MED27: variants seen among roughly 807,000 people sequenced by gnomAD.
MED27 encodes mediator complex subunit 27.
Under a neutral mutation model 38.2 loss-of-function variants are expected in MED27, and 30 were observed. That is an observed-to-expected ratio of 0.79 (90% CI 0.59 to 1.07). MED27 has a LOEUF of 1.07. MED27 is among the 50% of genes least tolerant of loss of function. The probability of loss-of-function intolerance (pLI) is 0.00; values close to 1 mark genes in which losing one functional copy is unlikely to be tolerated. For synonymous variants in MED27, 122 were observed against 153.5 expected, an observed-to-expected ratio of 0.79 and a Z score of 1.52; for missense variants, 289 against 397.5, an observed-to-expected ratio of 0.73 and a Z score of 2.32.
chr9:131,967,966 C>T (rs1208534538), intron 3 of MED27, among the ~76,000 whole-genome samples: 1 of 151,976 alleles, frequency 6.6e-6, no homozygotes, highest in Non-Finnish European at 1.5e-5. Flanking sequence ...TACAGGCATC[C>T]ACCACCATGC....
rs1232256036 is a variant in MED27, at chr9:131,893,941, T to C, written c.625A>G (p.Ile209Val). Residue 209 changes from isoleucine (I) to valine (V), a missense_variant, in exon 5 of 8, where the codon ATT becomes GTT. Ile to Val is a conservative substitution (Grantham distance 29, BLOSUM62 3). Coordinates refer to ENST00000292035, the MANE Select transcript of MED27 (RefSeq NM_004269.4). Reference protein sequence around the residue: ...KVIVVMRSLFIDRTIVKGYNE... With the variant: ...KVIVVMRSLFVDRTIVKGYNE... ...TATCCCTTTACTATTGTTCGATCAA[T>C]GAACAGGCTCCGCATGACGACGATC... 1.9e-6 allele frequency: 3 copies of C among 1,614,112 alleles called. No individual in the cohort carries two copies. The highest frequency in any genetic ancestry group is 1.3e-5 in the African/African-American group (1 of 74,942).
intron 4 of MED27, among the ~76,000 whole-genome samples, chr9:131,938,925 G>A (rs1830732123): frequency 6.6e-6 from 1 of 152,074 alleles, no homozygotes; most frequent in Non-Finnish European, 1.5e-5. Context: ...GTGTTAGCCA[G>A]GATGGTCTCG....
At chr9:131,871,643 G>A (rs984902001) in intron 6 of MED27, among the ~76,000 whole-genome samples, 4 of 152,128 alleles carry the variant, frequency 2.6e-5, no homozygotes, top group African/African-American at 4.8e-5. Context: ...TCGAACTCCT[G>A]GGCGCAAGTG....
intron 3 of MED27, among the ~76,000 whole-genome samples, chr9:131,995,943 C>T (rs1170844478): frequency 1.3e-5 from 2 of 152,174 alleles, no homozygotes; most frequent in Non-Finnish European, 2.9e-5. Context: ...CCTCTACACT[C>T]CATAATTCCT....
At chr9:131,902,822 A>C (rs994309857) in intron 4 of MED27, among the ~76,000 whole-genome samples, 5 of 152,210 alleles carry the variant, frequency 3.3e-5, no homozygotes, top group African/African-American at 1.2e-4. Context: ...AGACAAACTG[A>C]ATTTAGGGTC....
intron 3 of MED27, among the ~76,000 whole-genome samples, chr9:131,971,596 G>A (rs1422560783): frequency 6.6e-6 from 1 of 152,168 alleles, no homozygotes; most frequent in Non-Finnish European, 1.5e-5. Context: ...GACCTTGGCC[G>A]GACCCCAAGT....
At chr9:131,925,664 A>G (rs1197372282) in intron 4 of MED27, among the ~76,000 whole-genome samples, 1 of 152,262 alleles carries the variant, frequency 6.6e-6, no homozygotes, top group Non-Finnish European at 1.5e-5. Flanking sequence ...AATTAAGTTA[A>G]AACCCAGGGA....
chr9:131,874,176 C>A (rs916549832), intron 6 of MED27, among the ~76,000 whole-genome samples: 4 of 152,222 alleles, frequency 2.6e-5, no homozygotes, highest in Non-Finnish European at 5.9e-5. Flanking sequence ...TCCTGGCGCA[C>A]GTCTGTGCTC....
chr9:132,012,667 A>T lies in MED27; in HGVS notation c.479+1670T>A, dbSNP rs114195315. On this transcript the variant is annotated intron_variant, in intron 3 of 7. Coordinates refer to ENST00000292035, the MANE Select transcript of MED27 (RefSeq NM_004269.4). Reference sequence around the variant, plus strand: ...CTCCTCAGAGAAGCCCTCTTTGATCACCCTATTTAACAGTATCCCCCACTC... The same window carrying T: ...CTCCTCAGAGAAGCCCTCTTTGATCTCCCTATTTAACAGTATCCCCCACTC... Among the ~76,000 whole-genome samples the T allele has an allele frequency of 5.2e-3, 787 of 151,970 alleles. 5 individuals carry two copies. The highest frequency in any genetic ancestry group is 0.018 in the African/African-American group (760 of 41,444).
At chr9:132,073,440 C>G (rs1268090406) in intron 2 of MED27, 2 of 1,107,722 alleles carry the variant, frequency 1.8e-6, no homozygotes, top group Non-Finnish European at 2.2e-6. Context: ...TTGCTGGGGA[C>G]TCCCAGCAAG....
At chr9:131,924,496 G>A (rs1589214874) in intron 4 of MED27, among the ~76,000 whole-genome samples, 1 of 152,022 alleles carries the variant, frequency 6.6e-6, no homozygotes, top group Non-Finnish European at 1.5e-5. Flanking sequence ...TGTAATGTAT[G>A]TTGCAAATAT....
intron 3 of MED27, among the ~76,000 whole-genome samples, chr9:131,990,552 G>A (rs1564314733): frequency 6.6e-6 from 1 of 152,228 alleles, no homozygotes; most frequent in Admixed American, 6.5e-5. Flanking sequence ...TGTTTATGGA[G>A]CATCCTCAAA....
chr9:131,948,682 C>T (rs1385289980), intron 3 of MED27, among the ~76,000 whole-genome samples: 1 of 152,158 alleles, frequency 6.6e-6, no homozygotes, highest in Non-Finnish European at 1.5e-5. Context: ...TACTTATCTA[C>T]TGTGTTGTTC....
intron 2 of MED27, among the ~76,000 whole-genome samples, chr9:132,048,292 C>A (rs1242857946): frequency 6.6e-6 from 1 of 152,112 alleles, no homozygotes; most frequent in Admixed American, 6.5e-5. Context: ...AAAAATGTTT[C>A]TTGAATGCAG....
At chr9:131,881,158 C>T (rs753086701) in intron 6 of MED27, among the ~76,000 whole-genome samples, 87 of 152,216 alleles carry the variant, frequency 5.7e-4, no homozygotes, top group Non-Finnish European at 9.4e-4. Context: ...TAAAGCAAAG[C>T]AAGACAAGGA....
chr9:132,012,503 C>T (rs1832506104), intron 3 of MED27, among the ~76,000 whole-genome samples: 1 of 152,138 alleles, frequency 6.6e-6, no homozygotes, highest in South Asian at 2.1e-4. Context: ...GTGAAGAAAG[C>T]CTGAAAATCA....
intron 4 of MED27, among the ~76,000 whole-genome samples, chr9:131,919,183 C>G (rs1448430882): frequency 6.6e-6 from 1 of 152,208 alleles, no homozygotes; most frequent in Non-Finnish European, 1.5e-5. Context: ...TTACACGGAA[C>G]TTGAAATCAC....
chr9:131,973,457 C>CTTTTTTTTTTTTTTTTTTTTTTTTTTTT (rs747946439), intron 3 of MED27, among the ~76,000 whole-genome samples: 1 of 122,172 alleles, frequency 8.2e-6, no homozygotes, highest in Non-Finnish European at 1.7e-5. Flanking sequence ...TTTTTCTTTT[C>CTTTTTTTTTTTTTTTTTTTTTTTTTTTT]TTTTTTTTTT....
chr9:131,969,966 TG>T (rs200376925), intron 3 of MED27, among the ~76,000 whole-genome samples: 1,763 of 150,152 alleles, frequency 0.012, 31 homozygotes, highest in African/African-American at 0.04. Context: ...GCTGGAGGGC[TG>T]GGGGGGGGTG....
Sources: gnomAD v4.1 joint callset for allele counts (sites outside exome capture counted in the v4.1 genomes callset) on GRCh38, gnomAD v4.1.1 for gene constraint, MANE v1.5 for transcripts, NCBI Gene and HGNC (gene_info 2026-07-23, HGNC 2026-07-21) for gene names.